CCDC148: variants seen among roughly 807,000 people sequenced by gnomAD.
CCDC148 encodes coiled-coil domain-containing protein 148.
In CCDC148, 89 loss-of-function variants were observed where a neutral mutation model predicts 85.7. The ratio of observed to expected loss-of-function variants is 1.04; its 90% confidence interval spans 0.87 to 1.24. The LOEUF (loss-of-function observed/expected upper bound fraction) is 1.24. Among genes scored for constraint, CCDC148 ranks in the 50% most tolerant of loss-of-function variants. The probability of loss-of-function intolerance (pLI) is 0.00; values close to 1 mark genes in which losing one functional copy is unlikely to be tolerated. For missense variants in CCDC148, 692 were observed against 671.7 expected (o/e 1.03, Z -0.33); for synonymous variants, 230 against 213.9 (o/e 1.08, Z -0.66).
At chr2:158,394,812 T>C (rs867163588) in intron 1 of CCDC148, among the ~76,000 whole-genome samples, 2 of 152,022 alleles carry the variant, frequency 1.3e-5, no homozygotes, top group Admixed American at 6.6e-5. Context: ...TCATTCTGAC[T>C]ACACCCTGAC....
chr2:158,294,653 G>A (rs1314777976), intron 9 of CCDC148, among the ~76,000 whole-genome samples: 11 of 151,976 alleles, frequency 7.2e-5, no homozygotes, highest in Admixed American at 1.3e-4. Context: ...GTGAAACCCC[G>A]TCTCTACTGA....
intron 1 of CCDC148, chr2:158,380,867 TG>T (rs1487106418): frequency 6.6e-6 from 1 of 152,146 alleles, no homozygotes; most frequent in Non-Finnish European, 1.5e-5. Flanking sequence ...CTGTGCAGTA[TG>T]GAAAGAACAG....
At chr2:158,220,846 G>C in intron 10 of CCDC148, 133 bp from the exon 11 acceptor site, 1 of 654,366 alleles carries the variant, frequency 1.5e-6, no homozygotes, top group Non-Finnish European at 2.6e-6. Flanking sequence ...TTGTTTCATA[G>C]ATATGCTTAT....
Position 158,454,640 on chromosome 2 carries a change from G to A in CCDC148, c.25+1775C>T, listed in dbSNP as rs546171622. Among the ~76,000 whole-genome samples, 55 of 152,338 alleles carry A rather than the reference G, an allele frequency of 3.6e-4. 1 individual carries two copies. The South Asian group carries it at 5.6e-3, about 15-fold the overall frequency. On this transcript the variant is annotated intron_variant, in intron 1 of 13. Transcript: ENST00000283233. ...GCAGACATTGGACAGGTTTGGAAGT[G>A]GCCTGGATAATGTTCCTGGATAAGT...
intron 11 of CCDC148, among the ~76,000 whole-genome samples, chr2:158,219,784 G>A (rs891864803): frequency 9.9e-5 from 15 of 152,150 alleles, no homozygotes; most frequent in Admixed American, 1.3e-4. Context: ...CATTCAGAGG[G>A]TCATAACCAT....
intron 11 of CCDC148, among the ~76,000 whole-genome samples, chr2:158,214,419 T>C: frequency 6.6e-6 from 1 of 152,056 alleles, no homozygotes; most frequent in East Asian, 1.9e-4. Flanking sequence ...ACACAATATT[T>C]CAAACTTTGT....
chr2:158,310,610 C>T (rs1458673249), intron 8 of CCDC148, among the ~76,000 whole-genome samples: 2 of 150,448 alleles, frequency 1.3e-5, no homozygotes, highest in African/African-American at 2.4e-5. Context: ...TCAGACGGGG[C>T]GGCCAGGTAG....
At chr2:158,175,081 A>C (rs1558956444) in intron 13 of CCDC148, among the ~76,000 whole-genome samples, 1 of 152,088 alleles carries the variant, frequency 6.6e-6, no homozygotes, top group Admixed American at 6.6e-5. Context: ...CTTGTCATGC[A>C]CCCCTTGTCA....
chr2:158,220,804 C>A (rs1028938791), intron 10 of CCDC148, 91 bp from the exon 11 acceptor site: 1 of 970,994 alleles, frequency 1.0e-6, no homozygotes. Flanking sequence ...GTTCGTATTA[C>A]AAAATTGAAT....
At chr2:158,417,523 G>T (rs750383893) in intron 1 of CCDC148, among the ~76,000 whole-genome samples, 6 of 152,198 alleles carry the variant, frequency 3.9e-5, no homozygotes, top group Non-Finnish European at 7.3e-5. Context: ...AGCAAACTTT[G>T]CTTGGGGACT....
chr2:158,362,419 G>A (rs1683996106), intron 1 of CCDC148, among the ~76,000 whole-genome samples: 1 of 152,110 alleles, frequency 6.6e-6, no homozygotes, highest in Non-Finnish European at 1.5e-5. Context: ...CACAAAGTTG[G>A]AAGTAAAACG....
chr2:158,275,299 A>C (rs1689880889), intron 9 of CCDC148, among the ~76,000 whole-genome samples: 1 of 152,210 alleles, frequency 6.6e-6, no homozygotes, highest in Admixed American at 6.5e-5. Flanking sequence ...GTCCTCTCTT[A>C]TAAGATAGCT....
At chr2:158,190,799 A>G (rs1001037498) in intron 11 of CCDC148, among the ~76,000 whole-genome samples, 1 of 152,018 alleles carries the variant, frequency 6.6e-6, no homozygotes, top group Admixed American at 6.6e-5. Flanking sequence ...TGCTTTTAAA[A>G]GTAAGAAAAT....
chr2:158,425,964 AG>A (rs1687058186), intron 1 of CCDC148, among the ~76,000 whole-genome samples: 1 of 152,146 alleles, frequency 6.6e-6, no homozygotes, highest in African/African-American at 2.4e-5. Flanking sequence ...GTCTCTGGAA[AG>A]CCATCTTTGA....
chr2:158,280,468 G>C (rs867112572), intron 9 of CCDC148, among the ~76,000 whole-genome samples: 3 of 152,108 alleles, frequency 2.0e-5, no homozygotes, highest in Admixed American at 1.3e-4. Context: ...AAAGGCAGGG[G>C]TTGCAATCCT....
At chr2:158,363,252 C>G (rs904357224) in intron 1 of CCDC148, among the ~76,000 whole-genome samples, 1 of 152,174 alleles carries the variant, frequency 6.6e-6, no homozygotes, top group Non-Finnish European at 1.5e-5. Context: ...GATGCTGGTA[C>G]CATTCCTTCT....
At chr2:158,367,342 T>C (rs1469298972) in intron 1 of CCDC148, among the ~76,000 whole-genome samples, 2 of 152,196 alleles carry the variant, frequency 1.3e-5, no homozygotes, top group Non-Finnish European at 2.9e-5. Context: ...ATCCATAGCT[T>C]AGCTGTCCAA....
At chr2:158,322,426 A>T (rs1332384993) in intron 7 of CCDC148, among the ~76,000 whole-genome samples, 2 of 152,106 alleles carry the variant, frequency 1.3e-5, no homozygotes, top group Admixed American at 6.6e-5. Context: ...GATTCAAAAC[A>T]GGAAAAATCA....
At chr2:158,250,965 T>G in intron 9 of CCDC148, 53 bp from the exon 10 acceptor site, 1 of 1,514,226 alleles carries the variant, frequency 6.6e-7, no homozygotes, top group Non-Finnish European at 8.9e-7. Flanking sequence ...TGAAGTTATT[T>G]CATAGGTCAT....
Sources: gnomAD v4.1 joint callset for allele counts (sites outside exome capture counted in the v4.1 genomes callset) on GRCh38, gnomAD v4.1.1 for gene constraint, MANE v1.5 for transcripts, NCBI Gene and HGNC (gene_info 2026-07-23, HGNC 2026-07-21) for gene names.